GLIS3: variants seen among roughly 807,000 people sequenced by gnomAD.
GLIS3 encodes the protein zinc finger protein GLIS3.
GLIS3 carries 53 observed loss-of-function variants against 78.6 expected under a neutral mutation model. That is an observed-to-expected ratio of 0.67 (90% CI 0.54 to 0.85). The LOEUF is 0.85. GLIS3 is among the 40% of genes least tolerant of loss of function. The pLI is 0.00. For synonymous variants in GLIS3, 684 were observed against 509.9 expected (o/e 1.34, Z -4.60); for missense variants, 1,703 against 1,231.1 (o/e 1.38, Z -5.74).
Position 4,286,581 on chromosome 9 carries a change from T to G in GLIS3, c.-98-58A>C. ...AAGCAAAAATGAAAATAAGATACAG[T>G]GAGTTTTTCAACCTGTGTATCATTC... On this transcript the variant is annotated intron_variant, in intron 1 of 10. Coordinates refer to ENST00000381971, the MANE Select transcript of GLIS3 (RefSeq NM_001042413.2). 5.8e-6 allele frequency: 5 copies of G among 855,216 alleles called. No individual in the cohort carries two copies. The South Asian group carries it at 7.5e-5, about 13-fold the overall frequency. 53.0% of individuals were successfully genotyped at this position (855,216 alleles called of 1,614,324 possible). A position where few individuals can be genotyped will look rare whatever the true frequency, so the allele number is the denominator to read the frequency against.
At chr9:4,279,458 A>G (rs1443893453) in intron 2 of GLIS3, among the ~76,000 whole-genome samples, 33 of 151,016 alleles carry the variant, frequency 2.2e-4, no homozygotes, top group Admixed American at 2.2e-3. Flanking sequence ...AAAAAAAACA[A>G]TAATATCAAC....
chr9:4,237,320 T>A (rs372566367), intron 2 of GLIS3, among the ~76,000 whole-genome samples: 1 of 152,108 alleles, frequency 6.6e-6, no homozygotes, highest in South Asian at 2.1e-4. Context: ...ACAAAAATGA[T>A]GACACAACAT....
rs1436434664 is a variant in GLIS3 at position 3,824,165 on chromosome 9, A to C, written c.*4107T>G. The C allele has an allele frequency of 6.6e-6, 1 of 152,650 alleles. No individual in the cohort carries two copies. Among genetic ancestry groups the C allele is most frequent in the Non-Finnish European group, 1.5e-5 (1 of 68,040 alleles). The allele number at this position is 152,650 out of a possible 1,614,324, so 9.5% of individuals were successfully genotyped here. On this transcript the variant is annotated 3_prime_UTR_variant, in exon 11 of 11. Transcript: ENST00000381971. The stretch of plus-strand genomic sequence containing the variant: ...AGCTTTAATTAAATCTGATGAAATA[A>C]AACTTCATGTTTTATTTATGGACAC...
chr9:4,410,200 C>T, the GLIS3 span, among the ~76,000 whole-genome samples: 42 of 150,594 alleles, frequency 2.8e-4, no homozygotes, highest in African/African-American at 9.3e-4. Context: ...TGGTCTCAAA[C>T]TGCTGGCCTC....
chr9:4,290,723 C>A (rs1815880758), intron 1 of GLIS3, among the ~76,000 whole-genome samples: 1 of 152,084 alleles, frequency 6.6e-6, no homozygotes, highest in South Asian at 2.1e-4. Context: ...TAAACAAAAA[C>A]CAATCACGTA....
chr9:3,913,770 A>G (rs745953937), intron 6 of GLIS3, among the ~76,000 whole-genome samples: 8 of 152,246 alleles, frequency 5.3e-5, no homozygotes, highest in Non-Finnish European at 1.2e-4. Flanking sequence ...AGCTATTTAG[A>G]AATTATATCA....
intron 2 of GLIS3, among the ~76,000 whole-genome samples, chr9:4,189,933 G>A (rs1818175994): frequency 6.6e-6 from 1 of 151,936 alleles, no homozygotes; most frequent in African/African-American, 2.4e-5. Context: ...CGTCTGGAGT[G>A]GACCTCTAGC....
chr9:4,041,154 T>C (rs1228683092), intron 4 of GLIS3, among the ~76,000 whole-genome samples: 2 of 152,210 alleles, frequency 1.3e-5, no homozygotes, highest in East Asian at 3.8e-4. Flanking sequence ...GTTTCTCAAA[T>C]ATGACTGCAC....
intron 2 of GLIS3, among the ~76,000 whole-genome samples, chr9:4,135,669 T>C (rs1160619251): frequency 1.3e-5 from 2 of 152,184 alleles, no homozygotes; most frequent in African/African-American, 4.8e-5. Context: ...AGGCAAGGCA[T>C]AGTATCAATC....
intron 2 of GLIS3, among the ~76,000 whole-genome samples, chr9:4,326,046 G>A (rs764939868): frequency 6.6e-6 from 1 of 152,138 alleles, no homozygotes; most frequent in Non-Finnish European, 1.5e-5. Flanking sequence ...ACACACTGGG[G>A]CCTGTCGGGG....
intron 8 of GLIS3, among the ~76,000 whole-genome samples, chr9:3,868,573 T>C (rs1820758812): frequency 6.6e-6 from 1 of 152,226 alleles, no homozygotes; most frequent in South Asian, 2.1e-4. Flanking sequence ...TGAACCATTT[T>C]TCAATTCTTT....
chr9:4,204,597 G>T (rs1450535710), intron 2 of GLIS3, among the ~76,000 whole-genome samples: 3 of 152,078 alleles, frequency 2.0e-5, no homozygotes, highest in Non-Finnish European at 4.4e-5. Context: ...AGATGGAAGG[G>T]AGTTGATACC....
At chr9:4,371,844 T>G in the GLIS3 span, among the ~76,000 whole-genome samples, 13,363 of 152,284 alleles carry the variant, frequency 0.088, 649 homozygotes, top group South Asian at 0.13. Flanking sequence ...GCTTCAAAGA[T>G]AGAGGCCACT....
In GLIS3 at chr9:3,913,462, C is replaced by T. The variant is rs540622912; in HGVS notation, c.1984-14627G>A. ...GCTCTCACCTAGCTTCGTGTGGCTT[C>T]ATGTCCCATGATGGAGGTCACACAG... On this transcript the variant is annotated intron_variant, in intron 6 of 10. Coordinates refer to ENST00000381971, the MANE Select transcript of GLIS3 (RefSeq NM_001042413.2). Among the ~76,000 whole-genome samples the T allele has an allele frequency of 3.9e-4, 59 of 152,304 alleles. 1 individual carries two copies. The highest frequency in any genetic ancestry group is 7.8e-4 in the Admixed American group (12 of 15,300).
chr9:4,060,184 G>A (rs955379519), intron 4 of GLIS3, among the ~76,000 whole-genome samples: 6 of 152,036 alleles, frequency 3.9e-5, no homozygotes, highest in Admixed American at 3.9e-4. Context: ...AACTCTCAGT[G>A]GAATTCCCAT....
At chr9:4,388,320 G>A in the GLIS3 span, among the ~76,000 whole-genome samples, 1 of 152,072 alleles carries the variant, frequency 6.6e-6, no homozygotes. Flanking sequence ...TTCACATCAA[G>A]GATGCCATCC....
At chr9:4,360,058 C>T in the GLIS3 span, among the ~76,000 whole-genome samples, 67,023 of 151,442 alleles carry the variant, frequency 0.44, 15,137 homozygotes, top group Middle Eastern at 0.49. Flanking sequence ...TTGAAGCCCA[C>T]ATAAGGTATT....
intron 3 of GLIS3, among the ~76,000 whole-genome samples, chr9:4,122,414 A>G (rs1014378021): frequency 1.3e-5 from 2 of 152,234 alleles, no homozygotes; most frequent in African/African-American, 2.4e-5. Context: ...TACAATTTAC[A>G]GAGAGCCTGG....
chr9:4,027,952 G>A (rs1176575330), intron 4 of GLIS3, among the ~76,000 whole-genome samples: 1 of 152,158 alleles, frequency 6.6e-6, no homozygotes, highest in Admixed American at 6.5e-5. Flanking sequence ...GAACCCAGTG[G>A]GTGAGAGTCA....
Sources: gnomAD v4.1 joint callset for allele counts (sites outside exome capture counted in the v4.1 genomes callset) on GRCh38, gnomAD v4.1.1 for gene constraint, MANE v1.5 for transcripts, NCBI Gene and HGNC (gene_info 2026-07-23, HGNC 2026-07-21) for gene names.